Variants in CEP70 observed in about 807,000 individuals in gnomAD.
The protein encoded by CEP70 is centrosomal protein of 70 kDa.
CEP70 carries 70 observed loss-of-function variants against 90.9 expected under a neutral mutation model. The observed-to-expected ratio is 0.77, with a 90% confidence interval of 0.64 to 0.94. The LOEUF (loss-of-function observed/expected upper bound fraction) is 0.94. Ranked by LOEUF, CEP70 falls within the 40% of genes least tolerant of loss-of-function variation. CEP70 has a pLI of 0.00. For synonymous variants in CEP70, 220 were observed against 228.3 expected (o/e 0.96, Z 0.33); for missense variants, 648 against 669.0 (o/e 0.97, Z 0.35).
chr3:138,495,931 C>T, intron 17 of CEP70: 1 of 985,342 alleles, frequency 1.0e-6, no homozygotes, highest in Non-Finnish European at 1.2e-6. Context: ...TATTATAGAG[C>T]TTAGCCTGGT....
intron 13 of CEP70, among the ~76,000 whole-genome samples, chr3:138,504,756 G>C (rs1315406925): frequency 6.6e-6 from 1 of 152,142 alleles, no homozygotes; most frequent in East Asian, 1.9e-4. Flanking sequence ...TGAAGAGATA[G>C]GATAGGGAAG....
chr3:138,525,264 T>C (rs1334456526), intron 11 of CEP70, among the ~76,000 whole-genome samples: 1 of 130,702 alleles, frequency 7.7e-6, no homozygotes, highest in Non-Finnish European at 1.6e-5. Flanking sequence ...GGGCCTGTTA[T>C]GGGGTGGGGG....
chr3:138,522,676 A>G (rs2036790759), intron 11 of CEP70, among the ~76,000 whole-genome samples: 1 of 152,222 alleles, frequency 6.6e-6, no homozygotes, highest in South Asian at 2.1e-4. Context: ...TAAACCAGGA[A>G]GAAGTTGAAT....
chr3:138,540,806 A>C (rs1277809382), intron 6 of CEP70, among the ~76,000 whole-genome samples: 1 of 152,244 alleles, frequency 6.6e-6, no homozygotes, highest in Non-Finnish European at 1.5e-5. Flanking sequence ...TGTTCACTGC[A>C]GCACTATTCA....
chr3:138,526,476 A>AT (rs1274901672), intron 10 of CEP70, among the ~76,000 whole-genome samples: 1 of 152,136 alleles, frequency 6.6e-6, no homozygotes, highest in Non-Finnish European at 1.5e-5. Flanking sequence ...ATATAAGCTT[A>AT]TTGAGAACAG....
chr3:138,516,005 C>T (rs1204305063), intron 11 of CEP70, among the ~76,000 whole-genome samples: 3 of 152,136 alleles, frequency 2.0e-5, no homozygotes, highest in Non-Finnish European at 2.9e-5. Flanking sequence ...GTTCTACCTC[C>T]ATTCTCCAAT....
chr3:138,504,254 C>T (rs918827718), intron 13 of CEP70, among the ~76,000 whole-genome samples: 8 of 152,172 alleles, frequency 5.3e-5, no homozygotes, highest in East Asian at 3.8e-4. Flanking sequence ...CTAGCACTGT[C>T]ACTCAATCAA....
intron 2 of CEP70, among the ~76,000 whole-genome samples, chr3:138,587,406 T>TA (rs1196274216): frequency 6.6e-6 from 1 of 151,612 alleles, no homozygotes; most frequent in Non-Finnish European, 1.5e-5. Flanking sequence ...CAGAACCAAT[T>TA]AAAAAAACTA....
intron 11 of CEP70, among the ~76,000 whole-genome samples, chr3:138,512,390 G>T (rs934130922): frequency 6.6e-6 from 1 of 152,078 alleles, no homozygotes; most frequent in Admixed American, 6.5e-5. Context: ...AACCACACAT[G>T]AACAATATAA....
At chr3:138,568,255 A>G (rs1336895649) in intron 6 of CEP70, among the ~76,000 whole-genome samples, 2 of 152,224 alleles carry the variant, frequency 1.3e-5, no homozygotes, top group Admixed American at 6.5e-5. Context: ...GACAGATGAA[A>G]CTATTTGATA....
intron 6 of CEP70, among the ~76,000 whole-genome samples, chr3:138,544,163 C>G (rs935823755): frequency 6.6e-6 from 1 of 151,860 alleles, no homozygotes; most frequent in African/African-American, 2.4e-5. Flanking sequence ...CTTGTTATAT[C>G]TATAAAATGT....
At chr3:138,518,264 T>C (rs942975847) in intron 11 of CEP70, among the ~76,000 whole-genome samples, 2 of 152,186 alleles carry the variant, frequency 1.3e-5, no homozygotes, top group African/African-American at 2.4e-5. Flanking sequence ...GGGCAGGGCA[T>C]AGCCAAACAA....
At chr3:138,588,047 CA>C (rs550842002) in intron 2 of CEP70, among the ~76,000 whole-genome samples, 2 of 146,686 alleles carry the variant, frequency 1.4e-5, no homozygotes, top group African/African-American at 5.0e-5. Context: ...TGCCCATGTA[CA>C]AAAAAAAGAG....
intron 6 of CEP70, among the ~76,000 whole-genome samples, chr3:138,565,502 T>C (rs1040760658): frequency 1.3e-5 from 2 of 152,128 alleles, no homozygotes; most frequent in Non-Finnish European, 2.9e-5. Flanking sequence ...TATAGATCAA[T>C]GGGACAGAAC....
At chr3:138,580,097 C>T (rs940906251) in intron 2 of CEP70, among the ~76,000 whole-genome samples, 4 of 152,060 alleles carry the variant, frequency 2.6e-5, no homozygotes, top group South Asian at 4.2e-4. Context: ...TCTGTGGTGG[C>T]GGTAGACAAG....
intron 6 of CEP70, among the ~76,000 whole-genome samples, chr3:138,549,217 G>C (rs1483476828): frequency 6.6e-6 from 1 of 151,328 alleles, no homozygotes; most frequent in African/African-American, 2.4e-5. Flanking sequence ...ACTCGGGGAA[G>C]GGCATGAATC....
At chr3:138,518,092 A>G (rs2036226166) in intron 11 of CEP70, among the ~76,000 whole-genome samples, 5 of 152,196 alleles carry the variant, frequency 3.3e-5, no homozygotes. Context: ...TTGCTAGCAC[A>G]GAAGTCTGAG....
At chr3:138,558,001 C>CA (rs896497478) in intron 6 of CEP70, among the ~76,000 whole-genome samples, 48 of 152,052 alleles carry the variant, frequency 3.2e-4, no homozygotes, top group African/African-American at 1.1e-3. Flanking sequence ...AAAAGATGAT[C>CA]AAAAAATTTT....
intron 2 of CEP70, among the ~76,000 whole-genome samples, chr3:138,586,119 C>CT (rs2042093322): frequency 6.6e-6 from 1 of 152,164 alleles, no homozygotes; most frequent in South Asian, 2.1e-4. Context: ...TATTTGTAAA[C>CT]TACCCATCTG....
Sources: gnomAD v4.1 joint callset for allele counts (sites outside exome capture counted in the v4.1 genomes callset) on GRCh38, gnomAD v4.1.1 for gene constraint, MANE v1.5 for transcripts, NCBI Gene and HGNC (gene_info 2026-07-23, HGNC 2026-07-21) for gene names.